Variants in CLYBL observed in about 807,000 individuals in gnomAD.
CLYBL encodes citramalyl-CoA lyase, also known as citramalyl-CoA lyase, mitochondrial.
Under a neutral mutation model 38.9 loss-of-function variants are expected in CLYBL, and 31 were observed. That is an observed-to-expected ratio of 0.80 (90% CI 0.60 to 1.08). The LOEUF (loss-of-function observed/expected upper bound fraction) is 1.08, where lower values mean the gene tolerates loss of function less well. CLYBL is among the 50% of genes least tolerant of loss of function. CLYBL has a pLI of 0.00. For missense variants in CLYBL, 434 were observed against 411.6 expected (o/e 1.05, Z -0.47); for synonymous variants, 171 against 158.6 (o/e 1.08, Z -0.59).
intron 2 of CLYBL, among the ~76,000 whole-genome samples, chr13:99,794,296 C>G (rs1279114555): frequency 6.6e-6 from 1 of 152,096 alleles, no homozygotes; most frequent in Non-Finnish European, 1.5e-5. Flanking sequence ...TGGCACACAC[C>G]TGTAATCCCA....
intron 2 of CLYBL, among the ~76,000 whole-genome samples, chr13:99,794,245 A>C (rs1203381878): frequency 6.6e-6 from 1 of 152,048 alleles, no homozygotes; most frequent in African/African-American, 2.4e-5. Context: ...ACATGATGAA[A>C]CCCTCTCTGC....
intron 1 of CLYBL, among the ~76,000 whole-genome samples, chr13:99,724,414 A>G (rs141913752): frequency 9.5e-4 from 145 of 152,300 alleles, no homozygotes; most frequent in African/African-American, 3.3e-3. Flanking sequence ...ACTTTGAGGA[A>G]AATGTTCCTG....
chr13:99,671,813 A>G (rs543100134), intron 1 of CLYBL, among the ~76,000 whole-genome samples: 2 of 151,968 alleles, frequency 1.3e-5, no homozygotes, highest in East Asian at 1.9e-4. Context: ...AGCTACTGCA[A>G]AAGTCCTCCT....
chr13:99,793,709 G>A (rs2049965115), intron 2 of CLYBL, among the ~76,000 whole-genome samples: 1 of 152,038 alleles, frequency 6.6e-6, no homozygotes, highest in Non-Finnish European at 1.5e-5. Flanking sequence ...AATGAGATCA[G>A]CAAAGTCTCT....
At chr13:99,621,570 C>A (rs561661869) in intron 1 of CLYBL, among the ~76,000 whole-genome samples, 152 of 152,326 alleles carry the variant, frequency 1.0e-3, no homozygotes, top group Non-Finnish European at 1.8e-3. Context: ...TGATTTTCCC[C>A]TTCAGGTGCC....
At chr13:99,856,466 G>A (rs1240609832) in intron 2 of CLYBL, among the ~76,000 whole-genome samples, 1 of 152,134 alleles carries the variant, frequency 6.6e-6, no homozygotes, top group Non-Finnish European at 1.5e-5. Flanking sequence ...TCTTTGCAAG[G>A]CTGACTTAGC....
At chr13:99,772,100 C>T (rs1431838390) in intron 1 of CLYBL, among the ~76,000 whole-genome samples, 3 of 151,802 alleles carry the variant, frequency 2.0e-5, no homozygotes, top group East Asian at 1.9e-4. Context: ...CCATAGACTT[C>T]GTTAGTTTTT....
intron 7 of CLYBL, among the ~76,000 whole-genome samples, chr13:99,874,109 C>T (rs2051977626): frequency 6.6e-6 from 1 of 152,174 alleles, no homozygotes; most frequent in South Asian, 2.1e-4. Flanking sequence ...GGGCTAGAGA[C>T]TGACACTGGG....
intron 7 of CLYBL, among the ~76,000 whole-genome samples, chr13:99,885,321 G>A (rs2052323114): frequency 6.6e-6 from 1 of 152,178 alleles, no homozygotes; most frequent in Middle Eastern, 3.2e-3. Flanking sequence ...GCCAGACAGG[G>A]AAAGGGCCTT....
intron 1 of CLYBL, among the ~76,000 whole-genome samples, chr13:99,756,241 G>A (rs1367246349): frequency 6.6e-6 from 1 of 152,206 alleles, no homozygotes; most frequent in African/African-American, 2.4e-5. Context: ...GGAAGGTTGT[G>A]TAATTGATAC....
At chr13:99,879,544 AT>A (rs1202062883) in intron 7 of CLYBL, among the ~76,000 whole-genome samples, 1 of 152,008 alleles carries the variant, frequency 6.6e-6, no homozygotes, top group Non-Finnish European at 1.5e-5. Context: ...AAGTTTTTTA[AT>A]TTTTCTAAAT....
chr13:99,859,406 C>T (rs951412470), intron 3 of CLYBL, among the ~76,000 whole-genome samples: 3 of 152,186 alleles, frequency 2.0e-5, no homozygotes, highest in African/African-American at 7.2e-5. Flanking sequence ...AGGCCTCCAC[C>T]TGGAAGAGCA....
At chr13:99,887,981 G>A (rs771863963) in intron 7 of CLYBL, among the ~76,000 whole-genome samples, 5 of 151,954 alleles carry the variant, frequency 3.3e-5, no homozygotes, top group East Asian at 3.9e-4. Context: ...TCAACCTCCC[G>A]TGTAGCTGGG....
chr13:99,824,266 AC>A (rs2050650273), intron 2 of CLYBL, among the ~76,000 whole-genome samples: 1 of 73,072 alleles, frequency 1.4e-5, no homozygotes, highest in Non-Finnish European at 2.9e-5. Context: ...AGCCCCCCCC[AC>A]CCACCCCCAG....
At chr13:99,738,994 G>A (rs1180777082) in intron 1 of CLYBL, among the ~76,000 whole-genome samples, 1 of 152,164 alleles carries the variant, frequency 6.6e-6, no homozygotes, top group Non-Finnish European at 1.5e-5. Flanking sequence ...GGTGTGTTTT[G>A]CCAAGCTAAC....
rs563434965 is a variant in CLYBL, at chr13:99,668,518, G to A, written c.62+61761G>A. Among the ~76,000 whole-genome samples, 30 of 147,864 alleles carry A rather than the reference G, an allele frequency of 2.0e-4. No individual in the cohort carries two copies. In the South Asian group the frequency reaches 6.1e-3, roughly 30 times the overall value. On this transcript the variant is annotated intron_variant, in intron 1 of 8. Transcript: ENST00000339105. ...GGAGAATCACTTGAACCTGGGAGGCGGAGGTTGCAGTGAGCTGAGATTATG... is the reference window on the plus strand; with the variant it reads ...GGAGAATCACTTGAACCTGGGAGGCAGAGGTTGCAGTGAGCTGAGATTATG...
At chr13:99,624,104 C>CTGTTTGG in intron 1 of CLYBL, among the ~76,000 whole-genome samples, 1 of 86,528 alleles carries the variant, frequency 1.2e-5, no homozygotes, top group Non-Finnish European at 3.0e-5. Flanking sequence ...CAGGGGTAAC[C>CTGTTTGG]ACCTGAAGCA....
chr13:99,825,177 C>T (rs1330730865), intron 2 of CLYBL, among the ~76,000 whole-genome samples: 1 of 152,182 alleles, frequency 6.6e-6, no homozygotes, highest in Non-Finnish European at 1.5e-5. Context: ...GCCCACTTAA[C>T]AAGCAACAAG....
At chr13:99,816,707 G>A (rs909121735) in intron 2 of CLYBL, among the ~76,000 whole-genome samples, 2 of 152,214 alleles carry the variant, frequency 1.3e-5, no homozygotes, top group African/African-American at 4.8e-5. Flanking sequence ...GAACCAGGAA[G>A]CAAGTCCTCA....
Sources: gnomAD v4.1 joint callset for allele counts (sites outside exome capture counted in the v4.1 genomes callset) on GRCh38, gnomAD v4.1.1 for gene constraint, MANE v1.5 for transcripts, NCBI Gene and HGNC (gene_info 2026-07-23, HGNC 2026-07-21) for gene names.